Variants in CCDC22 observed in about 807,000 individuals in gnomAD.
The protein encoded by CCDC22 is CCC complex scaffolding subunit CCDC22.
In CCDC22, 4 loss-of-function variants were observed where a neutral mutation model predicts 53.1. That is an observed-to-expected ratio of 0.08 (90% CI 0.04 to 0.17). The LOEUF is 0.17. Among genes scored for constraint, CCDC22 ranks in the 10% least tolerant of loss-of-function variants. The pLI, the probability that CCDC22 is intolerant of heterozygous loss-of-function variation, is 1.00. For synonymous variants in CCDC22, 222 were observed against 224.4 expected, an observed-to-expected ratio of 0.99 and a Z score of 0.10; for missense variants, 458 against 554.0, an observed-to-expected ratio of 0.83 and a Z score of 1.74.
Position 49,250,468 on chromosome X carries a change from G to A in CCDC22, c.*207G>A. On this transcript the variant is annotated 3_prime_UTR_variant, in exon 17 of 17. Coordinates refer to ENST00000376227, the MANE Select transcript of CCDC22 (RefSeq NM_014008.5). ...AGCTCGGCTGCAGTTTATTGGGGAC[G>A]GTACTGTGGGTTGGGGGCCTTGGAT... 6.0e-6 allele frequency: 3 copies of A among 498,196 alleles called. No homozygotes were observed. The highest frequency in any genetic ancestry group is 5.0e-5 in the South Asian group (2 of 39,885). 41.1% of individuals were successfully genotyped at this position (498,196 alleles called of 1,213,427 possible).
intron 7 of CCDC22, 118 bp from the exon 8 acceptor site, chrX:49,247,378 C>A: frequency 1.6e-6 from 1 of 635,789 alleles, no homozygotes; most frequent in Non-Finnish European, 2.5e-6. Context: ...TGGCCACCAT[C>A]GGTGCTTCAG....
chrX:49,247,585 G>A, intron 8 of CCDC22, 27 bp downstream of exon 8: 1 of 1,190,170 alleles, frequency 8.4e-7, no homozygotes, highest in Non-Finnish European at 1.1e-6. Flanking sequence ...GGAGGGGGGT[G>A]TCCCAGGCCC....
chrX:49,248,629 G>T lies in CCDC22; in HGVS notation c.1330-4G>T. ...ACTGTCTTCTGCCTGTGGGCTCATG[G>T]CAGCTGGAATCTTCTCGACGGCTGG... On this transcript the variant is annotated splice_region_variant and splice_polypyrimidine_tract_variant and intron_variant, in intron 11 of 16. Coordinates refer to ENST00000376227, the MANE Select transcript of CCDC22 (RefSeq NM_014008.5). 1 of 1,209,387 alleles carries T rather than the reference G, an allele frequency of 8.3e-7. No homozygotes were observed. Among genetic ancestry groups the T allele is most frequent in the South Asian group, 1.8e-5 (1 of 56,587 alleles).
intron 3 of CCDC22, among the ~76,000 whole-genome samples, chrX:49,242,529 A>C (rs2065969175): frequency 9.1e-6 from 1 of 109,538 alleles, no homozygotes; most frequent in African/African-American, 3.4e-5. Flanking sequence ...CTCATGGTTC[A>C]CTCCCTTACC....
At chrX:49,240,674 A>G (rs2065959747) in intron 2 of CCDC22, among the ~76,000 whole-genome samples, 1 of 111,652 alleles carries the variant, frequency 9.0e-6, no homozygotes, top group African/African-American at 3.3e-5. Flanking sequence ...CCCCCCCGCA[A>G]CTCAGCACTG....
Position 49,235,565 on chromosome X carries a change from G to T in CCDC22, c.-72G>T. 1.0e-6 allele frequency: 1 copy of T among 961,675 alleles called. No individual in the cohort carries two copies. The highest frequency in any genetic ancestry group is 1.5e-6 in the Non-Finnish European group (1 of 684,814). The allele number at this position is 961,675 out of a possible 1,213,427, so 79.3% of individuals were successfully genotyped here. On this transcript the variant is annotated 5_prime_UTR_variant, in exon 1 of 17. Transcript: ENST00000376227. ...CTGTGGACCGCGAGCACGGAGCAGG[G>T]TTTCTACAGCTGCTCCCCACTTTCT...
intron 6 of CCDC22, among the ~76,000 whole-genome samples, chrX:49,244,978 C>T (rs1245920852): frequency 3.6e-5 from 4 of 110,823 alleles, no homozygotes; most frequent in African/African-American, 1.3e-4. Context: ...GCATCTGTCC[C>T]CTCCTTCTCT....
At chrX:49,247,367 C>G in intron 7 of CCDC22, 129 bp from the exon 8 acceptor site, 1 of 589,111 alleles carries the variant, frequency 1.7e-6, no homozygotes, top group Non-Finnish European at 2.7e-6. Context: ...TAGTCACAGT[C>G]TGGCCACCAT....
Position 49,243,449 on chromosome X carries a change from G to A in CCDC22, c.701G>A (p.Arg234His), listed in dbSNP as rs782461322. ...GDEDWVHRTS[R>H]LPPQEDTRAQ... Reference sequence around the variant, plus strand: ...GAGGACTGGGTCCACCGGACATCCCGCCTCCCACCCCAGGTACAGCCAGAT... The same window carrying A: ...GAGGACTGGGTCCACCGGACATCCCACCTCCCACCCCAGGTACAGCCAGAT... The change falls in exon 6 of 17, where the codon CGC (arginine) becomes CAC (histidine). Residue 234 changes from arginine to histidine, a missense_variant. This residue lies in a region of CCDC22 where 309 missense variants were observed against 312.3 expected (regional missense o/e 0.99). Transcript: ENST00000376227. 6 of 1,173,312 alleles carry A rather than the reference G, an allele frequency of 5.1e-6. No individual in the cohort carries two copies. The highest frequency in any genetic ancestry group is 1.8e-5 in the African/African-American group (1 of 56,549).
rs782282798 is a variant in CCDC22, at chrX:49,247,047, G to A, written c.909+122G>A. On this transcript the variant is annotated intron_variant, in intron 7 of 16. Transcript: ENST00000376227. ...CTGTGTTCCCACTGGACAGGCCCTC[G>A]CCCCACTGTGGGATGGGTACCCAGA... The A allele has an allele frequency of 9.6e-6, 6 of 624,435 alleles. No individual in the cohort carries two copies. The highest frequency in any genetic ancestry group is 3.6e-5 in the East Asian group (1 of 27,923). The allele number at this position is 624,435 out of a possible 1,213,427, so 51.5% of individuals were successfully genotyped here.
At chrX:49,237,007 T>C in intron 1 of CCDC22, 79 bp from the exon 2 acceptor site, 1 of 951,924 alleles carries the variant, frequency 1.1e-6, no homozygotes, top group Non-Finnish European at 1.5e-6. Flanking sequence ...CTGGTACTAG[T>C]GTTTCCAAAA....
chrX:49,240,555 C>CA (rs2065958974), intron 2 of CCDC22, among the ~76,000 whole-genome samples: 1 of 111,057 alleles, frequency 9.0e-6, no homozygotes, highest in South Asian at 3.7e-4. Context: ...CTCTTGTTTC[C>CA]AAAAAAATAA....
chrX:49,245,801 ATTATT>A (rs1359055937), intron 6 of CCDC22, among the ~76,000 whole-genome samples: 1 of 112,162 alleles, frequency 8.9e-6, no homozygotes, highest in Non-Finnish European at 1.9e-5. Flanking sequence ...TTGTTGCTGT[ATTATT>A]TTAAAGCAAA....
At chrX:49,242,353 G>A (rs1385912211) in intron 3 of CCDC22, 18 of 748,618 alleles carry the variant, frequency 2.4e-5, no homozygotes, top group East Asian at 1.5e-4. Flanking sequence ...AGCTGACCCC[G>A]GTGGTGCGTT....
At position 49,248,523 on chromosome X, in the gene CCDC22, G is replaced by C. The variant is rs782131920; in HGVS notation, c.1329G>C (p.Glu443Asp). The C allele has an allele frequency of 8.3e-7, 1 of 1,205,619 alleles. No homozygotes were observed. The highest frequency in any genetic ancestry group is 1.1e-6 in the Non-Finnish European group (1 of 890,773). The change falls in exon 11 of 17, where the codon GAG (glutamate) becomes GAC (aspartate). Residue 443 changes from glutamate (E) to aspartate (D), a missense_variant and splice_region_variant. By Grantham distance (45) the Glu-to-Asp change is conservative. Transcript: ENST00000376227. ...RHLRKLQDCR[E>D]LESSRRLAEI... is the part of the protein sequence containing the mutation. The stretch of plus-strand genomic sequence containing the variant: ...TCCGAAAGCTGCAGGATTGCAGAGA[G>C]GTAAGCAGTGGGGCCCTGGGCTGTG...
intron 2 of CCDC22, among the ~76,000 whole-genome samples, chrX:49,241,713 C>T (rs1224944420): frequency 9.0e-6 from 1 of 111,569 alleles, no homozygotes; most frequent in Non-Finnish European, 1.9e-5. Flanking sequence ...TTTGACTTTG[C>T]TTATTCTATT....
At chrX:49,250,027 G>A in intron 16 of CCDC22, 121 bp from the exon 17 acceptor site, 1 of 495,920 alleles carries the variant, frequency 2.0e-6, no homozygotes, top group Non-Finnish European at 3.6e-6. Context: ...CCTGGCCATG[G>A]GACAGAGCAG....
rs1557115183 is a variant in CCDC22 at position 49,250,150 on chromosome X, C to T, written c.1773C>T (p.Ile591=). Residue 591 remains isoleucine (I), a splice_region_variant and synonymous_variant, in exon 17 of 17, where the codon ATC becomes ATT. Transcript: ENST00000376227. The part of the protein sequence containing the change: ...MREVRDLEEQ[I]ETELGKKTLS... Reference sequence around the variant, plus strand: ...GGCATGTGTTCACATTGCCTCAGATCGAGACAGAGCTGGGCAAGAAGACCC... The same window carrying T: ...GGCATGTGTTCACATTGCCTCAGATTGAGACAGAGCTGGGCAAGAAGACCC... 8 of 1,131,965 alleles carry T rather than the reference C, an allele frequency of 7.1e-6. No homozygotes were observed. The highest frequency in any genetic ancestry group is 3.3e-5 in the East Asian group (1 of 30,544). The allele number at this position is 1,131,965 out of a possible 1,213,427, so 93.3% of individuals were successfully genotyped here.
At chrX:49,246,636 A>G (rs2294019) in intron 6 of CCDC22, 95 bp from the exon 7 acceptor site, 1 of 769,009 alleles carries the variant, frequency 1.3e-6, no homozygotes, top group South Asian at 3.2e-5. Flanking sequence ...GTGACTTGTC[A>G]GTATACTCTT....
Sources: gnomAD v4.1 joint callset for allele counts (sites outside exome capture counted in the v4.1 genomes callset) on GRCh38, gnomAD v4.1.1 for gene constraint, gnomAD v4.1.1 regional missense constraint, MANE v1.5 for transcripts, NCBI Gene and HGNC (gene_info 2026-07-23, HGNC 2026-07-21) for gene names.